Variants in STRA6 observed in about 807,000 individuals in gnomAD.
STRA6 encodes receptor for retinol uptake STRA6.
In STRA6, 48 loss-of-function variants were observed where a neutral mutation model predicts 83.6. The ratio of observed to expected loss-of-function variants is 0.57; its 90% CI spans 0.46 to 0.73. The LOEUF is 0.73. STRA6 is among the 30% of genes least tolerant of loss of function. STRA6 has a pLI of 0.00. For missense variants in STRA6, 760 were observed against 838.8 expected, an observed-to-expected ratio of 0.91 and a Z score of 1.16; for synonymous variants, 353 against 362.3, an observed-to-expected ratio of 0.97 and a Z score of 0.29.
intron 8 of STRA6, 142 bp from the exon 9 acceptor site, chr15:74,191,633 G>C: frequency 1.3e-6 from 1 of 740,996 alleles, no homozygotes; most frequent in Non-Finnish European, 2.4e-6. Context: ...AGTGTGGATG[G>C]GGCTGACCTG....
At chr15:74,201,051 G>GCT (rs2142077435) in intron 2 of STRA6, among the ~76,000 whole-genome samples, 1 of 152,278 alleles carries the variant, frequency 6.6e-6, no homozygotes, top group South Asian at 2.1e-4. Flanking sequence ...GAGCCCACAG[G>GCT]CTCTCGGTCA....
At chr15:74,207,664 T>A (rs575199166), upstream of STRA6, 8 of 1,527,646 alleles carry the variant, frequency 5.2e-6, no homozygotes, top group Admixed American at 1.6e-4. Context: ...AAGAGAGGCG[T>A]TCCAGGAGTG....
chr15:74,182,055 G>T, intron 16 of STRA6, 106 bp downstream of exon 16: 1 of 1,016,894 alleles, frequency 9.8e-7, no homozygotes, highest in Non-Finnish European at 1.5e-6. Context: ...TGGGTTCCTT[G>T]ATAGAGAGAA....
At chr15:74,194,851 G>A in intron 7 of STRA6, 1 of 1,355,038 alleles carries the variant, frequency 7.4e-7, no homozygotes, top group Non-Finnish European at 9.4e-7. Context: ...CACAGCCCCA[G>A]CCAGCAGCCA....
chr15:74,210,772 G>C (rs148020139), upstream of STRA6, among the ~76,000 whole-genome samples: 145 of 152,260 alleles, frequency 9.5e-4, no homozygotes, highest in African/African-American at 3.2e-3. Context: ...GTAGCCCTTA[G>C]ACTAGGTATT....
In STRA6 at chr15:74,197,224, G is replaced by T; in HGVS notation, c.266+114C>A. On this transcript the variant is annotated intron_variant, in intron 4 of 18. Coordinates refer to ENST00000395105, the MANE Select transcript of STRA6 (RefSeq NM_022369.4). Reference sequence around the variant, plus strand: ...GAAAGCTCCAGGCTGAGGGCGATAGGGATGTCATTAAAGCCAGAGCTGCCT... The same window carrying T: ...GAAAGCTCCAGGCTGAGGGCGATAGTGATGTCATTAAAGCCAGAGCTGCCT... The T allele has an allele frequency of 9.4e-6, 7 of 744,354 alleles. No individual in the cohort carries two copies. In the South Asian group the frequency reaches 1.1e-4, roughly 12 times the overall value. The allele number at this position is 744,354 out of a possible 1,614,324, so 46.1% of individuals were successfully genotyped here.
At chr15:74,192,787 G>A (rs2073611693) in intron 8 of STRA6, among the ~76,000 whole-genome samples, 1 of 152,186 alleles carries the variant, frequency 6.6e-6, no homozygotes, top group African/African-American at 2.4e-5. Flanking sequence ...TTTCCCCTTT[G>A]AGGGTCTCTG....
At position 74,202,605 on chromosome 15, in the gene STRA6, G is replaced by T. The variant is rs11639369; in HGVS notation, c.-16+108C>A. On this transcript the variant is annotated intron_variant, in intron 1 of 18. Coordinates refer to ENST00000395105, the MANE Select transcript of STRA6 (RefSeq NM_022369.4). ...TGTCTGACCAACCACCAGCAGGCGTGTGTTCAAAGGACCATTTTCAAAGAA... is the reference window on the plus strand; with the variant it reads ...TGTCTGACCAACCACCAGCAGGCGTTTGTTCAAAGGACCATTTTCAAAGAA... The T allele has an allele frequency of 0.19, 270,739 of 1,445,712 alleles. 28,706 individuals carry two copies. The highest frequency in any genetic ancestry group is 0.21 in the Non-Finnish European group (237,190 of 1,107,428). 89.6% of individuals were successfully genotyped at this position (1,445,712 alleles called of 1,614,324 possible).
chr15:74,202,160 T>C lies in STRA6; in HGVS notation c.108A>G (p.Pro36=), dbSNP rs778603169. Residue 36 remains proline, a synonymous_variant, in exon 2 of 19, where the codon CCA becomes CCG. Transcript: ENST00000395105. ...DEPQGGEELQ[P]EGEVPSCHTS... Reference sequence around the variant, plus strand: ...TGGGGTGGTTCCACACTTACCCCTCTGGCTGGAGCTCCTCGCCCCCCTGGG... The same window carrying C: ...TGGGGTGGTTCCACACTTACCCCTCCGGCTGGAGCTCCTCGCCCCCCTGGG... The C allele has an allele frequency of 1.0e-5, 15 of 1,502,854 alleles. No individual in the cohort carries two copies. The highest frequency in any genetic ancestry group is 9.2e-5 in the East Asian group (4 of 43,300). The allele number at this position is 1,502,854 out of a possible 1,614,324, so 93.1% of individuals were successfully genotyped here.
Position 74,180,034 on chromosome 15 carries a change from A to C in STRA6, c.*46T>G. 1.3e-6 allele frequency: 2 copies of C among 1,594,530 alleles called. No individual in the cohort carries two copies. The highest frequency in any genetic ancestry group is 1.7e-6 in the Non-Finnish European group (2 of 1,164,634). On this transcript the variant is annotated 3_prime_UTR_variant, in exon 19 of 19. Coordinates refer to ENST00000395105, the MANE Select transcript of STRA6 (RefSeq NM_022369.4). Reference sequence around the variant, plus strand: ...GGGAGGGAGGAGGATGGTAGGCAGGAACATGCCTCAGCACAGATGGGCAGG... The same window carrying C: ...GGGAGGGAGGAGGATGGTAGGCAGGCACATGCCTCAGCACAGATGGGCAGG...
chr15:74,208,177 C>T (rs1237140172), intron 1 of STRA6: 1 of 508,010 alleles, frequency 2.0e-6, no homozygotes, highest in African/African-American at 2.0e-5. Flanking sequence ...TAGTACTGAC[C>T]TGGAGGAGGG....
chr15:74,207,738 C>T (rs1190831249), upstream of STRA6: 12 of 1,535,616 alleles, frequency 7.8e-6, no homozygotes, highest in Middle Eastern at 1.7e-4. Context: ...AATAAGCAGC[C>T]GAGAGAGTCA....
rs186572878 is a variant in STRA6 at position 74,202,180 on chromosome 15, C to T, written c.88G>A (p.Gly30Arg). The change falls in exon 2 of 19, where the codon GGG (glycine) becomes AGG (arginine). Residue 30 changes from glycine (G) to arginine (R), a missense_variant. By Grantham distance (125) the Gly-to-Arg change is moderately radical. Transcript: ENST00000395105. ...YGSWYIDEPQ[G>R]GEELQPEGEV... ...CCCTCTGGCTGGAGCTCCTCGCCCC[C>T]CTGGGGCTCATCGATGTACCAGCTG... 1.9e-5 allele frequency: 29 copies of T among 1,516,290 alleles called. No homozygotes were observed. The Admixed American group carries it at 6.4e-4, about 33-fold the overall frequency. The allele number at this position is 1,516,290 out of a possible 1,614,324, so 93.9% of individuals were successfully genotyped here. A position where few individuals can be genotyped will look rare whatever the true frequency, so the allele number is the denominator to read the frequency against.
At chr15:74,200,488 C>A (rs2074008730) in intron 2 of STRA6, among the ~76,000 whole-genome samples, 1 of 152,224 alleles carries the variant, frequency 6.6e-6, no homozygotes, top group Non-Finnish European at 1.5e-5. Flanking sequence ...GACTCCACTG[C>A]CATCAGTGTT....
upstream of STRA6, among the ~76,000 whole-genome samples, chr15:74,204,237 C>T (rs972040038): frequency 1.3e-5 from 2 of 152,354 alleles, no homozygotes; most frequent in East Asian, 1.9e-4. Flanking sequence ...CTTCCAGGCG[C>T]GAGTGTGAGC....
upstream of STRA6, chr15:74,202,872 G>A: frequency 9.8e-7 from 1 of 1,018,978 alleles, no homozygotes; most frequent in Non-Finnish European, 1.2e-6. Context: ...CCTCGGTGAT[G>A]GAAATACACC....
chr15:74,195,584 T>C, intron 6 of STRA6, 68 bp downstream of exon 6: 1 of 1,560,196 alleles, frequency 6.4e-7, no homozygotes, highest in Non-Finnish European at 8.7e-7. Context: ...GCACGTTCAG[T>C]GGGCAAGAAC....
chr15:74,209,241 C>T, upstream of STRA6: 1 of 1,152,092 alleles, frequency 8.7e-7, no homozygotes, highest in Non-Finnish European at 1.2e-6. Context: ...AAACCGTTTG[C>T]TCGAAACTTG....
intron 17 of STRA6, 106 bp from the exon 18 acceptor site, chr15:74,181,043 TC>T: frequency 4.7e-6 from 7 of 1,503,196 alleles, no homozygotes; most frequent in Non-Finnish European, 6.4e-6. Context: ...ACTCCCTGCA[TC>T]CAAGCATGTC....
Sources: gnomAD v4.1 joint callset for allele counts (sites outside exome capture counted in the v4.1 genomes callset) on GRCh38, gnomAD v4.1.1 for gene constraint, MANE v1.5 for transcripts, NCBI Gene and HGNC (gene_info 2026-07-23, HGNC 2026-07-21) for gene names.